The following PRAMEF12 variants were observed in gnomAD, a reference collection of about 807,000 sequenced individuals.
PRAMEF12 encodes the protein PRAME family member 12.
A neutral mutation model predicts 24.6 loss-of-function variants in PRAMEF12; 24 were observed. The ratio of observed to expected loss-of-function variants is 0.98; its 90% CI spans 0.71 to 1.37. PRAMEF12 has a LOEUF of 1.37. Among genes scored for constraint, PRAMEF12 ranks in the 40% most tolerant of loss-of-function variants. The pLI is 0.00. For missense variants in PRAMEF12, 646 were observed against 580.3 expected (o/e 1.11, Z -1.16); for synonymous variants, 286 against 242.6 (o/e 1.18, Z -1.66).
At position 12,774,801 on chromosome 1, in the gene PRAMEF12, C is replaced by A; in HGVS notation, c.-67C>A. 6.9e-7 allele frequency: 1 copy of A among 1,450,766 alleles called. No homozygotes were observed. The highest frequency in any genetic ancestry group is 1.4e-5 in the African/African-American group (1 of 70,652). 89.9% of individuals were successfully genotyped at this position (1,450,766 alleles called of 1,614,324 possible). The stretch of plus-strand genomic sequence containing the variant: ...ACCTCTACCAGAGCAATGACATTGG[C>A]ACTAGGAGATGATGAAGTGATGTGA... On this transcript the variant is annotated 5_prime_UTR_variant, in exon 1 of 3. Transcript: ENST00000357726.
At chr1:12,776,523 T>G (rs1639054055) in intron 2 of PRAMEF12, among the ~76,000 whole-genome samples, 1 of 152,144 alleles carries the variant, frequency 6.6e-6, no homozygotes. Flanking sequence ...CTCACCTGCC[T>G]AGTGAACAGG....
rs1639076943 is a variant in PRAMEF12, at chr1:12,777,592, T to A, written c.1445T>A (p.Phe482Tyr). The change falls in exon 3 of 3, where the codon TTT (phenylalanine) becomes TAT (tyrosine). Residue 482 changes from phenylalanine to tyrosine, a missense_variant. Transcript: ENST00000357726. ...CLLNACCQGGFI is the reference protein window; with the variant it reads ...CLLNACCQGGYI ...TTGAATGCCTGCTGTCAGGGTGGAT[T>A]TATTTAAAGCTTTCTTCTGGTCATT... 6.2e-7 allele frequency: 1 copy of A among 1,614,116 alleles called. No homozygotes were observed. Among genetic ancestry groups the A allele is most frequent in the South Asian group, 1.1e-5 (1 of 91,084 alleles).
chr1:12,775,425 A>G lies in PRAMEF12; in HGVS notation c.288-118A>G, dbSNP rs1422469859. The G allele has an allele frequency of 5.5e-6, 6 of 1,097,018 alleles. No individual in the cohort carries two copies. The African/African-American group carries it at 9.5e-5, about 17-fold the overall frequency. 68.0% of individuals were successfully genotyped at this position (1,097,018 alleles called of 1,614,324 possible). On this transcript the variant is annotated intron_variant, in intron 1 of 2. Transcript: ENST00000357726. ...AGGCAGGTTTCAAGGAGAAAGAGGGATGGAGAAAAGACAGAGAGTGGGAGA... is the reference window on the plus strand; with the variant it reads ...AGGCAGGTTTCAAGGAGAAAGAGGGGTGGAGAAAAGACAGAGAGTGGGAGA...
In PRAMEF12 at chr1:12,774,614, C is replaced by T. The variant is rs1244006479; in HGVS notation, c.-254C>T. Among the ~76,000 whole-genome samples the T allele has an allele frequency of 1.3e-5, 2 of 152,144 alleles. No individual in the cohort carries two copies. The highest frequency in any genetic ancestry group is 3.9e-4 in the East Asian group (2 of 5,194). On this transcript the variant is annotated 5_prime_UTR_variant, in exon 1 of 3. Transcript: ENST00000357726. ...TCCTCAGCAACGCTTCCCAGTGTTACTGAGATTTAGTGCAGCAATGGTTGA... is the reference window on the plus strand; with the variant it reads ...TCCTCAGCAACGCTTCCCAGTGTTATTGAGATTTAGTGCAGCAATGGTTGA...
Position 12,777,348 on chromosome 1 carries a change from G to T in PRAMEF12, c.1201G>T (p.Val401Phe), listed in dbSNP as rs201843122. 1.9e-5 allele frequency: 30 copies of T among 1,613,548 alleles called. No individual in the cohort carries two copies. Among genetic ancestry groups the T allele is most frequent in the Non-Finnish European group, 2.5e-5 (30 of 1,179,842 alleles). The change falls in exon 3 of 3, where the codon GTC becomes TTC. Residue 401 changes from valine (V) to phenylalanine (F), a missense_variant. Val to Phe is a conservative substitution (Grantham distance 50). Coordinates refer to ENST00000357726, the MANE Select transcript of PRAMEF12 (RefSeq NM_001080830.5). Reference sequence around the variant, plus strand: ...CCTGGAGAACCTGCTGCGCCACACCGTCGGGCTGAGCAAGCTAAGCCTGGA... The same window carrying T: ...CCTGGAGAACCTGCTGCGCCACACCTTCGGGCTGAGCAAGCTAAGCCTGGA... ...AALENLLRHT[V>F]GLSKLSLELY...
intron 2 of PRAMEF12, among the ~76,000 whole-genome samples, chr1:12,776,608 A>G (rs1233841025): frequency 6.6e-6 from 1 of 152,174 alleles, no homozygotes; most frequent in East Asian, 1.9e-4. Flanking sequence ...GTGAGGGAGC[A>G]GGAGTGAAGA....
In PRAMEF12 at chr1:12,775,995, C is replaced by A; in HGVS notation, c.740C>A (p.Pro247His). The A allele has an allele frequency of 2.5e-6, 4 of 1,614,146 alleles. No homozygotes were observed. Among genetic ancestry groups the A allele is most frequent in the Non-Finnish European group, 3.4e-6 (4 of 1,180,022 alleles). The part of the protein sequence containing the change: ...LFNIHVSACI[P>H]LDRKEQFVIQ... Reference sequence around the variant, plus strand: ...AACATCCATGTCTCTGCCTGCATTCCCCTAGACAGGAAGGAGCAGTTTGTC... The same window carrying A: ...AACATCCATGTCTCTGCCTGCATTCACCTAGACAGGAAGGAGCAGTTTGTC... Residue 247 changes from proline (P) to histidine (H), a missense_variant, in exon 2 of 3, where the codon CCC (proline) becomes CAC (histidine). Pro to His is a moderately conservative substitution (Grantham distance 77). Transcript: ENST00000357726.
In PRAMEF12 at chr1:12,774,892, C is replaced by T. The variant is rs1302971111; in HGVS notation, c.25C>T (p.Leu9Phe). ...GATGAGCCTCCAGGCCCCACCTAGA[C>T]TCCTGGAGCTGGCTGAGCAGAGTCT... MSLQAPPR[L>F]LELAEQSLLR... The change falls in exon 1 of 3, where the codon CTC (leucine) becomes TTC (phenylalanine). Residue 9 changes from leucine to phenylalanine, a missense_variant. By Grantham distance (22) the Leu-to-Phe change is conservative. Coordinates refer to ENST00000357726, the MANE Select transcript of PRAMEF12 (RefSeq NM_001080830.5). 3.1e-6 allele frequency: 5 copies of T among 1,611,962 alleles called. No homozygotes were observed. In the South Asian group the frequency reaches 5.5e-5, roughly 18 times the overall value.
chr1:12,774,462 A>G lies in PRAMEF12; in HGVS notation c.-406A>G, dbSNP rs1355201927. Among the ~76,000 whole-genome samples the G allele has an allele frequency of 6.6e-6, 1 of 152,246 alleles. No homozygotes were observed. The highest frequency in any genetic ancestry group is 2.4e-5 in the African/African-American group (1 of 41,450). On this transcript the variant is annotated 5_prime_UTR_variant, in exon 1 of 3. Coordinates refer to ENST00000357726, the MANE Select transcript of PRAMEF12 (RefSeq NM_001080830.5). ...CAAGGAGTCCCTTTAGTCTTCTGCAAGCATGTCAATTGTGGGAACTGAGAA... is the reference window on the plus strand; with the variant it reads ...CAAGGAGTCCCTTTAGTCTTCTGCAGGCATGTCAATTGTGGGAACTGAGAA...
rs1229024528 is a variant in PRAMEF12, at chr1:12,777,723, G to T, written c.*124G>T. 5.9e-6 allele frequency: 7 copies of T among 1,188,262 alleles called. No individual in the cohort carries two copies. The highest frequency in any genetic ancestry group is 8.2e-6 in the Non-Finnish European group (7 of 850,730). The allele number at this position is 1,188,262 out of a possible 1,614,324, so 73.6% of individuals were successfully genotyped here. A position where few individuals can be genotyped will look rare whatever the true frequency, so the allele number is the denominator to read the frequency against. ...GGAAAGGAAAGGGGATGCAGGAAGG[G>T]AGGGACTGGGGGAAAAGTTGAGTTG... On this transcript the variant is annotated 3_prime_UTR_variant, in exon 3 of 3. Transcript: ENST00000357726.
chr1:12,777,369 C>A lies in PRAMEF12; in HGVS notation c.1222C>A (p.Leu408Met). The A allele has an allele frequency of 6.2e-7, 1 of 1,613,826 alleles. No homozygotes were observed. The highest frequency in any genetic ancestry group is 8.5e-7 in the Non-Finnish European group (1 of 1,179,866). ...RHTVGLSKLSLELYPAPLESY... is the reference protein window; with the variant it reads ...RHTVGLSKLSMELYPAPLESY... ...CACCGTCGGGCTGAGCAAGCTAAGCCTGGAGCTGTATCCTGCCCCTCTGGA... is the reference window on the plus strand; with the variant it reads ...CACCGTCGGGCTGAGCAAGCTAAGCATGGAGCTGTATCCTGCCCCTCTGGA... The change falls in exon 3 of 3, where the codon CTG becomes ATG. Residue 408 changes from leucine (L) to methionine (M), a missense_variant. By Grantham distance (15) the Leu-to-Met change is conservative. Coordinates refer to ENST00000357726, the MANE Select transcript of PRAMEF12 (RefSeq NM_001080830.5).
rs1639027592 is a variant in PRAMEF12 at position 12,775,068 on chromosome 1, G to A, written c.201G>A (p.Gly67=). 3.7e-6 allele frequency: 6 copies of A among 1,614,162 alleles called. No homozygotes were observed. Among genetic ancestry groups the A allele is most frequent in the Non-Finnish European group, 5.1e-6 (6 of 1,180,006 alleles). The part of the protein sequence containing the change: ...QAWPFTCLPL[G]SLMKSCNLEI... ...GGCCCTTCACCTGCCTTCCTCTAGG[G>A]TCCCTGATGAAGTCATGTAATCTAG... is the stretch of plus-strand genomic sequence containing the variant. The change falls in exon 1 of 3, where the codon GGG becomes GGA. Residue 67 remains glycine, a synonymous_variant. Transcript: ENST00000357726.
At position 12,774,656 on chromosome 1, in the gene PRAMEF12, G is replaced by T. The variant is rs189795666; in HGVS notation, c.-212G>T. Reference sequence around the variant, plus strand: ...AATGGTTGAAAATGAATGGGCCAGTGGTTACCTTGCCCTCTCCTCATTGTT... The same window carrying T: ...AATGGTTGAAAATGAATGGGCCAGTTGTTACCTTGCCCTCTCCTCATTGTT... On this transcript the variant is annotated 5_prime_UTR_variant, in exon 1 of 3. Coordinates refer to ENST00000357726, the MANE Select transcript of PRAMEF12 (RefSeq NM_001080830.5). Among the ~76,000 whole-genome samples the T allele has an allele frequency of 2.6e-5, 4 of 152,250 alleles. No homozygotes were observed. In the East Asian group the frequency reaches 5.8e-4, roughly 22 times the overall value.
rs751248132 is a variant in PRAMEF12 at position 12,774,883 on chromosome 1, C to T, written c.16C>T (p.Pro6Ser). MSLQA[P>S]PRLLELAEQS... ...ATTCATCAGGATGAGCCTCCAGGCCCCACCTAGACTCCTGGAGCTGGCTGA... is the reference window on the plus strand; with the variant it reads ...ATTCATCAGGATGAGCCTCCAGGCCTCACCTAGACTCCTGGAGCTGGCTGA... Residue 6 changes from proline to serine, a missense_variant, in exon 1 of 3, where the codon CCA becomes TCA. Coordinates refer to ENST00000357726, the MANE Select transcript of PRAMEF12 (RefSeq NM_001080830.5). 1 of 1,605,708 alleles carries T rather than the reference C, an allele frequency of 6.2e-7. No homozygotes were observed. The highest frequency in any genetic ancestry group is 8.5e-7 in the Non-Finnish European group (1 of 1,176,228).
At chr1:12,775,312 G>A (rs1313821287) in intron 1 of PRAMEF12, among the ~76,000 whole-genome samples, 158 bp downstream of exon 1, 1 of 152,166 alleles carries the variant, frequency 6.6e-6, no homozygotes, top group Non-Finnish European at 1.5e-5. Flanking sequence ...GCTCCTCTGG[G>A]AAAGGACTGC....
At position 12,776,066 on chromosome 1, in the gene PRAMEF12, C is replaced by G; in HGVS notation, c.811C>G (p.Leu271Val). The G allele has an allele frequency of 1.2e-6, 2 of 1,614,180 alleles. No homozygotes were observed. Among genetic ancestry groups the G allele is most frequent in the South Asian group, 1.1e-5 (1 of 91,084 alleles). ...QFLKLDYFQK[L>V]YMHSVSFLEG... is the part of the protein sequence containing the mutation. Reference sequence around the variant, plus strand: ...CCTCAAGCTGGACTACTTCCAGAAGCTTTACATGCACTCTGTCTCTTTCCT... The same window carrying G: ...CCTCAAGCTGGACTACTTCCAGAAGGTTTACATGCACTCTGTCTCTTTCCT... The change falls in exon 2 of 3, where the codon CTT becomes GTT. Residue 271 changes from leucine (L) to valine (V), a missense_variant. Leu to Val is a conservative substitution (Grantham distance 32). Coordinates refer to ENST00000357726, the MANE Select transcript of PRAMEF12 (RefSeq NM_001080830.5).
rs187979424 is a variant in PRAMEF12 at position 12,774,525 on chromosome 1, A to C, written c.-343A>C. Among the ~76,000 whole-genome samples the C allele has an allele frequency of 7.2e-5, 11 of 152,306 alleles. No homozygotes were observed. The highest frequency in any genetic ancestry group is 2.4e-4 in the African/African-American group (10 of 41,558). On this transcript the variant is annotated 5_prime_UTR_variant, in exon 1 of 3. Transcript: ENST00000357726. ...GGGGCCACAGGACATTCTCGTTCCC[A>C]TTGTTTTAGGGTGGTAAGTGACAAG...
rs1228958308 is a variant in PRAMEF12 at position 12,777,873 on chromosome 1, A to G, written c.*274A>G. On this transcript the variant is annotated 3_prime_UTR_variant, in exon 3 of 3. Coordinates refer to ENST00000357726, the MANE Select transcript of PRAMEF12 (RefSeq NM_001080830.5). ...TACCCCTGCACGGATGGTTGTAAAGAAACAGTCAGAAATAAAGGGAAGCTG... is the reference window on the plus strand; with the variant it reads ...TACCCCTGCACGGATGGTTGTAAAGGAACAGTCAGAAATAAAGGGAAGCTG... The G allele has an allele frequency of 8.8e-6, 4 of 452,370 alleles. No individual in the cohort carries two copies. Among genetic ancestry groups the G allele is most frequent in the Non-Finnish European group, 1.6e-5 (4 of 253,560 alleles). 28.0% of individuals were successfully genotyped at this position (452,370 alleles called of 1,614,324 possible).
Position 12,777,180 on chromosome 1 carries a change from C to A in PRAMEF12, c.1033C>A (p.Gln345Lys), listed in dbSNP as rs760863573. 6.2e-7 allele frequency: 1 copy of A among 1,613,528 alleles called. No homozygotes were observed. Among genetic ancestry groups the A allele is most frequent in the East Asian group, 2.2e-5 (1 of 44,874 alleles). The change falls in exon 3 of 3, where the codon CAA (glutamine) becomes AAA (lysine). Residue 345 changes from glutamine (Q) to lysine (K), a missense_variant. Physicochemically the swap from Gln to Lys is moderately conservative, Grantham distance 53. Transcript: ENST00000357726. ...SPEPLSVLLE[Q>K]AEATLQTLDL... The stretch of plus-strand genomic sequence containing the variant: ...TGAGCCCCTCTCAGTTCTGCTGGAG[C>A]AAGCTGAGGCCACCCTGCAGACCCT...
Sources: allele counts gnomAD v4.1 joint callset (sites outside exome capture counted in the v4.1 genomes callset), GRCh38; gene constraint gnomAD v4.1.1; transcripts MANE v1.5; gene names NCBI Gene and HGNC (gene_info 2026-07-23, HGNC 2026-07-21).